The following DEPDC7 variants were observed in gnomAD, a reference collection of about 807,000 sequenced individuals.
The protein encoded by DEPDC7 is DEP domain containing 7.
A neutral mutation model predicts 56.6 loss-of-function variants in DEPDC7; 41 were observed. That is an observed-to-expected ratio of 0.72 (90% confidence interval 0.56 to 0.94). The LOEUF (loss-of-function observed/expected upper bound fraction) is 0.94, where lower values mean the gene tolerates loss of function less well. Ranked by LOEUF, DEPDC7 falls within the 40% of genes least tolerant of loss-of-function variation. The pLI is 0.00. For synonymous variants in DEPDC7, 185 were observed against 208.8 expected (o/e 0.89, Z 0.98); for missense variants, 522 against 596.3 (o/e 0.88, Z 1.30).
At chr11:33,032,537 TATTAG>T in intron 6 of DEPDC7, 59 bp downstream of exon 6, 3 of 1,453,876 alleles carry the variant, frequency 2.1e-6, no homozygotes, top group Non-Finnish European at 2.8e-6. Flanking sequence ...ACAGGTTAAG[TATTAG>T]ATTATTCCAT....
At chr11:33,026,453 C>T in intron 2 of DEPDC7, 1 of 265,052 alleles carries the variant, frequency 3.8e-6, no homozygotes, top group Non-Finnish European at 7.4e-6. Context: ...GGTGATAATG[C>T]ATAATGAACT....
At chr11:33,020,914 C>G (rs1047908407) in intron 1 of DEPDC7, among the ~76,000 whole-genome samples, 1 of 152,212 alleles carries the variant, frequency 6.6e-6, no homozygotes, top group African/African-American at 2.4e-5. Context: ...TACAGCTGAT[C>G]TCTAAACTCT....
At chr11:33,028,423 C>T (rs552344071) in intron 3 of DEPDC7, 180 bp from the exon 4 acceptor site, 1 of 513,072 alleles carries the variant, frequency 1.9e-6, no homozygotes, top group Non-Finnish European at 3.4e-6. Context: ...GCCTATTCTC[C>T]TACACTCTAA....
intron 4 of DEPDC7, among the ~76,000 whole-genome samples, chr11:33,029,532 C>T (rs1009161392): frequency 6.6e-6 from 1 of 150,946 alleles, no homozygotes; most frequent in Non-Finnish European, 1.5e-5. Flanking sequence ...TCTCTCATTC[C>T]AGTTACTCCT....
In DEPDC7 at chr11:33,033,334, T is replaced by C; in HGVS notation, c.1415T>C (p.Leu472Pro). Residue 472 changes from leucine (L) to proline (P), a missense_variant, in exon 9 of 9, where the codon CTG becomes CCG. Coordinates refer to ENST00000241051, the MANE Select transcript of DEPDC7 (RefSeq NM_001077242.2). The stretch of plus-strand genomic sequence containing the variant: ...ACAGAGAAGACAACCAAAGATGAGC[T>C]GTTGAATTTACTAAAAACTCTTGAT... ...NNTEKTTKDE[L>P]LNLLKTLDED... 1.2e-6 allele frequency: 2 copies of C among 1,609,788 alleles called. No individual in the cohort carries two copies. The highest frequency in any genetic ancestry group is 2.2e-5 in the East Asian group (1 of 44,724).
At chr11:33,021,820 C>T (rs1004867311) in intron 1 of DEPDC7, among the ~76,000 whole-genome samples, 2 of 152,162 alleles carry the variant, frequency 1.3e-5, no homozygotes, top group East Asian at 3.8e-4. Context: ...CTAACTAGTT[C>T]TTTAATCTTT....
At chr11:33,020,442 A>G (rs1365754697) in intron 1 of DEPDC7, among the ~76,000 whole-genome samples, 2 of 152,192 alleles carry the variant, frequency 1.3e-5, no homozygotes, top group Non-Finnish European at 2.9e-5. Flanking sequence ...CTAGATTTAT[A>G]TAGTGCTTGA....
At position 33,015,898 on chromosome 11, in the gene DEPDC7, C is replaced by CAGGGAGCT. The variant is rs939489882; in HGVS notation, c.-49_-42dup. The CAGGGAGCT allele has an allele frequency of 8.0e-6, 12 of 1,505,494 alleles. No individual in the cohort carries two copies. The highest frequency in any genetic ancestry group is 4.3e-5 in the African/African-American group (3 of 70,456). The allele number at this position is 1,505,494 out of a possible 1,614,324, so 93.3% of individuals were successfully genotyped here. On this transcript the variant is annotated 5_prime_UTR_variant, in exon 1 of 9. Coordinates refer to ENST00000241051, the MANE Select transcript of DEPDC7 (RefSeq NM_001077242.2). ...CCCGCACAGTTAACAGACGGGCGCTCAGGGAGCTAGGGAGCTGTGAAGCTG... is the reference window on the plus strand; with the variant it reads ...CCCGCACAGTTAACAGACGGGCGCTCAGGGAGCTAGGGAGCTAGGGAGCTGTGAAGCTG...
At chr11:33,028,496 CT>C (rs1564965168) in intron 3 of DEPDC7, 106 bp from the exon 4 acceptor site, 1 of 870,198 alleles carries the variant, frequency 1.1e-6, no homozygotes, top group Non-Finnish European at 1.7e-6. Flanking sequence ...CTTTTTCTTT[CT>C]TTTTGGCCAC....
In DEPDC7 at chr11:33,025,890, T is replaced by A. The variant is rs1235920314; in HGVS notation, c.305T>A (p.Leu102His). 6.2e-7 allele frequency: 1 copy of A among 1,614,198 alleles called. No homozygotes were observed. Among genetic ancestry groups the A allele is most frequent in the East Asian group, 2.2e-5 (1 of 44,880 alleles). The change falls in exon 2 of 9, where the codon CTT becomes CAT. Residue 102 changes from leucine (L) to histidine (H), a missense_variant. Coordinates refer to ENST00000241051, the MANE Select transcript of DEPDC7 (RefSeq NM_001077242.2). ...AAAGTGGTGAGAGTGTGTCAAGCGC[T>A]TATGGACTACAAAGTATTTGAAGCA... is the stretch of plus-strand genomic sequence containing the variant. ...RAKVVRVCQA[L>H]MDYKVFEAVP... is the part of the protein sequence containing the mutation.
At chr11:33,021,898 T>A (rs1418561672) in intron 1 of DEPDC7, among the ~76,000 whole-genome samples, 1 of 152,178 alleles carries the variant, frequency 6.6e-6, no homozygotes, top group African/African-American at 2.4e-5. Flanking sequence ...AATTTATTCT[T>A]TACCTCTTAA....
chr11:33,025,745 A>C lies in DEPDC7; in HGVS notation c.160A>C (p.Lys54Gln), dbSNP rs771111220. 16 of 1,614,090 alleles carry C rather than the reference A, an allele frequency of 9.9e-6. No individual in the cohort carries two copies. The Admixed American group carries it at 2.7e-4, about 27-fold the overall frequency. Residue 54 changes from lysine to glutamine, a missense_variant, in exon 2 of 9, where the codon AAA becomes CAA. By Grantham distance (53) the Lys-to-Gln change is moderately conservative. Coordinates refer to ENST00000241051, the MANE Select transcript of DEPDC7 (RefSeq NM_001077242.2). ...NTLQTQVEVK[K>Q]RRHRLKRHND... ...TCTTCAAACACAAGTGGAAGTGAAA[A>C]AACGAAGGCACCGTTTAAAACGACA...
chr11:33,017,061 A>G (rs1370780033), intron 1 of DEPDC7, among the ~76,000 whole-genome samples: 2 of 152,198 alleles, frequency 1.3e-5, no homozygotes, highest in East Asian at 3.8e-4. Context: ...ACTAATGCTC[A>G]TTTTAATCTT....
chr11:33,027,756 A>G lies in DEPDC7; in HGVS notation c.535A>G (p.Ser179Gly). Residue 179 changes from serine (S) to glycine (G), a missense_variant, in exon 3 of 9, where the codon AGT becomes GGT. By Grantham distance (56) the Ser-to-Gly change is moderately conservative (BLOSUM62 0). Coordinates refer to ENST00000241051, the MANE Select transcript of DEPDC7 (RefSeq NM_001077242.2). ...ASLEDLWENL[S>G]LKPANSPHVN... ...TTTAGAGGACCTGTGGGAAAATCTG[A>G]GTTTAAAGCCTGCCAACTCCCCTCA... 6.3e-7 allele frequency: 1 copy of G among 1,578,610 alleles called. No homozygotes were observed. The highest frequency in any genetic ancestry group is 1.2e-5 in the South Asian group (1 of 84,458).
chr11:33,016,951 G>A (rs545021538), intron 1 of DEPDC7, among the ~76,000 whole-genome samples: 1 of 152,262 alleles, frequency 6.6e-6, no homozygotes, highest in South Asian at 2.1e-4. Flanking sequence ...TCTGACAAAA[G>A]CCTTTCATTT....
chr11:33,032,710 A>G lies in DEPDC7; in HGVS notation c.1180A>G (p.Ile394Val). Residue 394 changes from isoleucine to valine, a missense_variant, in exon 7 of 9, where the codon ATT becomes GTT. Physicochemically the swap from Ile to Val is conservative, Grantham distance 29 (BLOSUM62 3). Coordinates refer to ENST00000241051, the MANE Select transcript of DEPDC7 (RefSeq NM_001077242.2). ...TGTGAAAAGGATATTCTCAAAAGCT[A>G]TTGTTGACAATAAAAATTTATCCAA... ...MVVKRIFSKA[I>V]VDNKNLSKGK... 6.2e-7 allele frequency: 1 copy of G among 1,605,118 alleles called. No homozygotes were observed. The highest frequency in any genetic ancestry group is 8.5e-7 in the Non-Finnish European group (1 of 1,174,676).
intron 4 of DEPDC7, among the ~76,000 whole-genome samples, chr11:33,030,501 A>C (rs1337721796): frequency 6.7e-6 from 1 of 149,756 alleles, no homozygotes; most frequent in South Asian, 2.1e-4. Flanking sequence ...TTAAAAGTTT[A>C]CTACTTTATT....
intron 1 of DEPDC7, 49 bp downstream of exon 1, chr11:33,016,077 G>A (rs755834104): frequency 8.0e-6 from 11 of 1,378,222 alleles, no homozygotes; most frequent in African/African-American, 1.5e-5. Flanking sequence ...GGGCTGGGGT[G>A]CGCGGGCTGG....
intron 1 of DEPDC7, among the ~76,000 whole-genome samples, chr11:33,017,012 G>A (rs1413698827): frequency 6.6e-6 from 1 of 152,164 alleles, no homozygotes; most frequent in Non-Finnish European, 1.5e-5. Flanking sequence ...GGTCAAATGG[G>A]TGCTTCTCAG....
Sources: gnomAD v4.1 joint callset for allele counts (sites outside exome capture counted in the v4.1 genomes callset) on GRCh38, gnomAD v4.1.1 for gene constraint, MANE v1.5 for transcripts, NCBI Gene and HGNC (gene_info 2026-07-23, HGNC 2026-07-21) for gene names.